The following PCLO variants were observed in gnomAD, a reference collection of about 807,000 sequenced individuals.
PCLO encodes the protein protein piccolo.
PCLO carries 82 observed loss-of-function variants against 427.5 expected under a neutral mutation model. That is an observed-to-expected ratio of 0.19 (90% confidence interval 0.16 to 0.23). The LOEUF (loss-of-function observed/expected upper bound fraction) is 0.23, where lower values mean the gene tolerates loss of function less well. PCLO is among the 10% of genes least tolerant of loss of function. PCLO has a pLI of 1.00. For synonymous variants in PCLO, 2,357 were observed against 2,155.4 expected (o/e 1.09, Z -2.59); for missense variants, 6,239 against 6,115.9 (o/e 1.02, Z -0.67).
chr7:82,772,972 A>G lies in PCLO; in HGVS notation c.15008-11479T>C, dbSNP rs145388084. The stretch of plus-strand genomic sequence containing the variant: ...AATAATTTTTAAAAGCCTCAAGACC[A>G]CAAAGCCCAGGAATGAGGTAGGAGA... On this transcript the variant is annotated intron_variant, in intron 22 of 24. Coordinates refer to ENST00000333891, the MANE Select transcript of PCLO (RefSeq NM_033026.6). 4.3e-3 allele frequency among the ~76,000 whole-genome samples: 654 copies of G among 152,268 alleles called. 2 individuals carry two copies. Among genetic ancestry groups the G allele is most frequent in the African/African-American group, 0.014 (575 of 41,556 alleles).
intron 3 of PCLO, among the ~76,000 whole-genome samples, chr7:83,099,056 A>C (rs1321777268): frequency 6.6e-6 from 1 of 152,012 alleles, no homozygotes; most frequent in Admixed American, 6.6e-5. Context: ...AAATTTGATA[A>C]CTTGAATAGC....
At chr7:82,865,972 C>T (rs962792542) in intron 10 of PCLO, among the ~76,000 whole-genome samples, 5 of 152,114 alleles carry the variant, frequency 3.3e-5, no homozygotes, top group Non-Finnish European at 7.4e-5. Flanking sequence ...CATAAGTACA[C>T]GTTAAAGTCC....
At chr7:82,850,858 T>G (rs2115843617) in intron 10 of PCLO, among the ~76,000 whole-genome samples, 1 of 152,234 alleles carries the variant, frequency 6.6e-6, no homozygotes, top group African/African-American at 2.4e-5. Flanking sequence ...TCTAAGCAAT[T>G]AGTAAAATAA....
intron 13 of PCLO, among the ~76,000 whole-genome samples, chr7:82,843,503 T>C (rs903492883): frequency 1.3e-5 from 2 of 152,074 alleles, no homozygotes; most frequent in Non-Finnish European, 2.9e-5. Context: ...ATAGTAAATG[T>C]ATATATTCTT....
chr7:83,009,371 G>C (rs1031290400), intron 3 of PCLO, among the ~76,000 whole-genome samples: 1 of 151,836 alleles, frequency 6.6e-6, no homozygotes, highest in Admixed American at 6.6e-5. Flanking sequence ...CCTGAAGTCA[G>C]TGTGTTTTCT....
At chr7:82,759,246 G>T (rs989089130) in intron 24 of PCLO, among the ~76,000 whole-genome samples, 2 of 151,650 alleles carry the variant, frequency 1.3e-5, no homozygotes, top group South Asian at 2.1e-4. Context: ...TCAAACTAAA[G>T]AATTTTTTTT....
At chr7:83,094,222 T>C (rs1266912102) in intron 3 of PCLO, among the ~76,000 whole-genome samples, 1 of 149,112 alleles carries the variant, frequency 6.7e-6, no homozygotes, top group Non-Finnish European at 1.5e-5. Flanking sequence ...TTTTTTTTTT[T>C]TTTTTGAGAC....
chr7:83,152,655 C>CA (rs763247303), intron 2 of PCLO, among the ~76,000 whole-genome samples: 26 of 152,266 alleles, frequency 1.7e-4, no homozygotes, highest in South Asian at 6.2e-4. Flanking sequence ...TACACTCTTT[C>CA]ATGTCCTATA....
chr7:82,761,612 C>T (rs1046352323), intron 22 of PCLO, 119 bp from the exon 23 acceptor site: 3 of 654,212 alleles, frequency 4.6e-6, no homozygotes, highest in Non-Finnish European at 7.8e-6. Flanking sequence ...CTTATGACAT[C>T]CTAAGTGCTA....
intron 3 of PCLO, among the ~76,000 whole-genome samples, chr7:83,130,011 A>T (rs902310816): frequency 2.0e-5 from 3 of 147,616 alleles, no homozygotes; most frequent in Non-Finnish European, 3.0e-5. Context: ...TTATTTCCTA[A>T]TTTTTTTTTT....
At chr7:83,094,912 G>A (rs188511555) in intron 3 of PCLO, among the ~76,000 whole-genome samples, 41 of 152,098 alleles carry the variant, frequency 2.7e-4, no homozygotes, top group Admixed American at 1.5e-3. Context: ...GAGGAAAATT[G>A]GTCTGTAATT....
In PCLO at chr7:82,783,193, A is replaced by C. The variant is rs979126482; in HGVS notation, c.15007+18325T>G. ...TCTTTCCTGAGACTATGATATCTACATGTGAATTTCTTAGTATGGCCACCA... is the reference window on the plus strand; with the variant it reads ...TCTTTCCTGAGACTATGATATCTACCTGTGAATTTCTTAGTATGGCCACCA... On this transcript the variant is annotated intron_variant, in intron 22 of 24. Coordinates refer to ENST00000333891, the MANE Select transcript of PCLO (RefSeq NM_033026.6). Among the ~76,000 whole-genome samples the C allele has an allele frequency of 5.3e-5, 8 of 152,322 alleles. No individual in the cohort carries two copies. In the South Asian group the frequency reaches 1.7e-3, roughly 32 times the overall value.
intron 3 of PCLO, among the ~76,000 whole-genome samples, chr7:82,979,977 A>G (rs917119360): frequency 6.6e-6 from 1 of 152,194 alleles, no homozygotes; most frequent in African/African-American, 2.4e-5. Flanking sequence ...AAAGAACAAG[A>G]GATATTTACT....
At chr7:82,820,917 A>G (rs1791775247) in intron 20 of PCLO, 1 of 1,229,842 alleles carries the variant, frequency 8.1e-7, no homozygotes, top group South Asian at 4.2e-5. Flanking sequence ...AATACAAATC[A>G]CTGTAGTCAA....
At chr7:82,806,666 G>A (rs1791463924) in intron 20 of PCLO, among the ~76,000 whole-genome samples, 2 of 152,250 alleles carry the variant, frequency 1.3e-5, no homozygotes, top group Non-Finnish European at 2.9e-5. Flanking sequence ...TTTGTCTTCC[G>A]CCAGAGAGAG....
intron 9 of PCLO, among the ~76,000 whole-genome samples, chr7:82,883,724 G>A (rs1793564045): frequency 1.3e-5 from 2 of 151,952 alleles, no homozygotes; most frequent in Admixed American, 1.3e-4. Context: ...ATTGCTCCAG[G>A]CATGAAAATT....
At chr7:82,964,464 G>T (rs1409236244) in intron 4 of PCLO, among the ~76,000 whole-genome samples, 2 of 152,134 alleles carry the variant, frequency 1.3e-5, no homozygotes, top group African/African-American at 4.8e-5. Flanking sequence ...TACATAAGTG[G>T]ATTCAAAAAT....
intron 21 of PCLO, among the ~76,000 whole-genome samples, chr7:82,804,244 T>A (rs928923331): frequency 2.0e-5 from 3 of 152,110 alleles, no homozygotes; most frequent in African/African-American, 7.2e-5. Context: ...TATAACTGAT[T>A]AAGTACAAAT....
At chr7:83,121,331 G>T (rs1482756769) in intron 3 of PCLO, among the ~76,000 whole-genome samples, 1 of 152,052 alleles carries the variant, frequency 6.6e-6, no homozygotes, top group Admixed American at 6.6e-5. Context: ...ATCGGTAATA[G>T]AAGGTTATTT....
Sources: gnomAD v4.1 joint callset for allele counts (sites outside exome capture counted in the v4.1 genomes callset) on GRCh38, gnomAD v4.1.1 for gene constraint, MANE v1.5 for transcripts, NCBI Gene and HGNC (gene_info 2026-07-23, HGNC 2026-07-21) for gene names.